RBMS3: variants seen among roughly 807,000 people sequenced by gnomAD.
RBMS3 encodes the protein RNA-binding motif, single-stranded-interacting protein 3.
A neutral mutation model predicts 66.8 loss-of-function variants in RBMS3; 27 were observed. The observed-to-expected ratio is 0.40, with a 90% CI of 0.30 to 0.56. The LOEUF is 0.56. Among genes scored for constraint, RBMS3 ranks in the 20% least tolerant of loss-of-function variants. The probability of loss-of-function intolerance (pLI) is 0.40; values close to 1 mark genes in which losing one functional copy is unlikely to be tolerated. For missense variants in RBMS3, 513 were observed against 549.5 expected, an observed-to-expected ratio of 0.93 and a Z score of 0.66; for synonymous variants, 188 against 183.0, an observed-to-expected ratio of 1.03 and a Z score of -0.22.
intron 6 of RBMS3, among the ~76,000 whole-genome samples, chr3:29,814,694 C>A (rs2057829025): frequency 6.6e-6 from 1 of 152,260 alleles, no homozygotes; most frequent in African/African-American, 2.4e-5. Flanking sequence ...TCAACTTCTT[C>A]CTGGTTTAGT....
intron 1 of RBMS3, among the ~76,000 whole-genome samples, chr3:29,386,542 T>C (rs913872863): frequency 5.3e-5 from 8 of 152,292 alleles, no homozygotes; most frequent in Middle Eastern, 3.4e-3. Flanking sequence ...TCTCTTCTAC[T>C]TGTGCACTGG....
intron 14 of RBMS3, among the ~76,000 whole-genome samples, chr3:29,997,704 G>A (rs915924339): frequency 1.1e-4 from 17 of 151,848 alleles, no homozygotes; most frequent in African/African-American, 3.9e-4. Context: ...AAAAGCCTTT[G>A]ACAAAATTCA....
At chr3:29,437,861 T>C (rs9878948) in intron 2 of RBMS3, among the ~76,000 whole-genome samples, 43,509 of 152,084 alleles carry the variant, frequency 0.29, 6,496 homozygotes, top group Middle Eastern at 0.38. Context: ...CCTCATTATT[T>C]ATCTGCCAGA....
At chr3:29,386,531 A>G (rs1243822500) in intron 1 of RBMS3, among the ~76,000 whole-genome samples, 1 of 152,060 alleles carries the variant, frequency 6.6e-6, no homozygotes, top group Admixed American at 6.6e-5. Context: ...AGCAAAGATC[A>G]TCTCTTCTAC....
intron 1 of RBMS3, among the ~76,000 whole-genome samples, chr3:29,298,456 C>T (rs2033438426): frequency 6.6e-6 from 1 of 151,854 alleles, no homozygotes; most frequent in Admixed American, 6.6e-5. Context: ...TTAATAAAAC[C>T]TCTTTGATAC....
Position 29,601,428 on chromosome 3 carries a change from A to AT in RBMS3, c.399+14225dup, listed in dbSNP as rs760953711. Among the ~76,000 whole-genome samples the AT allele has an allele frequency of 3.0e-4, 46 of 152,094 alleles. 1 individual carries two copies. In the Middle Eastern group the frequency reaches 0.017, roughly 56 times the overall value. On this transcript the variant is annotated intron_variant, in intron 4 of 14. Transcript: ENST00000383767. ...AAGGATGTCTAAGATAATGAATAAC[A>AT]TTACTTATAAAGGTTTGAAACTTTT...
chr3:29,302,334 T>C (rs751593059), intron 1 of RBMS3, among the ~76,000 whole-genome samples: 15 of 151,974 alleles, frequency 9.9e-5, no homozygotes, highest in Non-Finnish European at 2.1e-4. Context: ...TCACTGGTGG[T>C]ACTTTCTGAT....
chr3:29,706,753 CA>C (rs1025438041), intron 4 of RBMS3, among the ~76,000 whole-genome samples: 1 of 152,182 alleles, frequency 6.6e-6, no homozygotes, highest in African/African-American at 2.4e-5. Flanking sequence ...GATGCCTTAG[CA>C]AAACCACAGT....
At chr3:29,668,951 A>G (rs146378850) in intron 4 of RBMS3, among the ~76,000 whole-genome samples, 1 of 152,250 alleles carries the variant, frequency 6.6e-6, no homozygotes, top group African/African-American at 2.4e-5. Context: ...ATGCCATTGT[A>G]CCCCATCATT....
intron 1 of RBMS3, among the ~76,000 whole-genome samples, chr3:29,387,774 A>G (rs1266041193): frequency 6.6e-6 from 1 of 151,912 alleles, no homozygotes; most frequent in East Asian, 1.9e-4. Context: ...TAAATAAAAT[A>G]TATATAAATT....
chr3:29,465,544 T>A (rs1465128648), intron 2 of RBMS3, among the ~76,000 whole-genome samples: 182 of 53,282 alleles, frequency 3.4e-3, no homozygotes, highest in African/African-American at 0.012. Flanking sequence ...GTGCCCTTAT[T>A]TTTTTTTTTT....
intron 4 of RBMS3, among the ~76,000 whole-genome samples, chr3:29,644,298 G>C (rs180973448): frequency 3.3e-4 from 51 of 152,300 alleles, no homozygotes; most frequent in African/African-American, 1.2e-3. Flanking sequence ...ATTTTGAACG[G>C]GTTTCAATCA....
At chr3:29,920,418 T>C (rs1338260125) in intron 10 of RBMS3, among the ~76,000 whole-genome samples, 1 of 152,216 alleles carries the variant, frequency 6.6e-6, no homozygotes, top group Non-Finnish European at 1.5e-5. Context: ...CTGCATTTTA[T>C]TGTTGTTTTC....
At position 29,906,424 on chromosome 3, in the gene RBMS3, T is replaced by C. The variant is rs368247820; in HGVS notation, c.939+6669T>C. On this transcript the variant is annotated intron_variant, in intron 10 of 14. Coordinates refer to ENST00000383767, the MANE Select transcript of RBMS3 (RefSeq NM_001003793.3). ...AGAGAGCTTCCTTTTCTAACAAAGC[T>C]ATTCCCACAAATCTAATTCCATGGC... 1.4e-4 allele frequency among the ~76,000 whole-genome samples: 22 copies of C among 152,220 alleles called. No homozygotes were observed. The East Asian group carries it at 2.3e-3, about 16-fold the overall frequency.
intron 1 of RBMS3, among the ~76,000 whole-genome samples, chr3:29,311,298 T>C (rs183670968): frequency 6.2e-4 from 94 of 151,890 alleles, no homozygotes; most frequent in Non-Finnish European, 1.2e-3. Flanking sequence ...TGAATTGAAA[T>C]TGAGATCTCC....
intron 3 of RBMS3, among the ~76,000 whole-genome samples, chr3:29,560,022 A>G (rs1248413682): frequency 1.3e-5 from 2 of 152,196 alleles, no homozygotes; most frequent in African/African-American, 4.8e-5. Context: ...TCAGCCTTCA[A>G]AAATATTTAA....
intron 3 of RBMS3, among the ~76,000 whole-genome samples, chr3:29,527,188 A>T (rs1050709231): frequency 0.28 from 35,334 of 127,714 alleles, 6,061 homozygotes; most frequent in Non-Finnish European, 0.34. Context: ...GAGTAAAAAA[A>T]AAAAAAAAAA....
At chr3:29,674,796 A>C (rs554693997) in intron 4 of RBMS3, among the ~76,000 whole-genome samples, 1 of 152,032 alleles carries the variant, frequency 6.6e-6, no homozygotes, top group African/African-American at 2.4e-5. Flanking sequence ...CATGGATAGG[A>C]AGAATCAATA....
chr3:29,972,364 A>C (rs919771044), intron 12 of RBMS3, among the ~76,000 whole-genome samples: 3 of 151,990 alleles, frequency 2.0e-5, no homozygotes, highest in Non-Finnish European at 4.4e-5. Flanking sequence ...TTTTAATCAG[A>C]TAGCTTTATG....
Sources: allele counts gnomAD v4.1 joint callset (sites outside exome capture counted in the v4.1 genomes callset), GRCh38; gene constraint gnomAD v4.1.1; transcripts MANE v1.5; gene names NCBI Gene and HGNC (gene_info 2026-07-23, HGNC 2026-07-21).